Variants in CTNND2 observed in about 807,000 individuals in gnomAD.
The protein encoded by CTNND2 is catenin delta-2.
CTNND2 carries 22 observed loss-of-function variants against 144.4 expected under a neutral mutation model. The ratio of observed to expected loss-of-function variants is 0.15; its 90% confidence interval spans 0.11 to 0.22. CTNND2 has a LOEUF of 0.22. Among genes scored for constraint, CTNND2 ranks in the 10% least tolerant of loss-of-function variants. The pLI is 1.00. For synonymous variants in CTNND2, 751 were observed against 695.6 expected (o/e 1.08, Z -1.25); for missense variants, 1,353 against 1,618.8 (o/e 0.84, Z 2.82).
chr5:10,978,667 G>A (rs1736817668), intron 21 of CTNND2, among the ~76,000 whole-genome samples: 1 of 152,212 alleles, frequency 6.6e-6, no homozygotes, highest in Non-Finnish European at 1.5e-5. Context: ...CAATGCCTCG[G>A]TCCTGACGAG....
intron 2 of CTNND2, among the ~76,000 whole-genome samples, chr5:11,582,860 C>T (rs953333203): frequency 3.9e-5 from 6 of 152,118 alleles, no homozygotes; most frequent in African/African-American, 9.7e-5. Context: ...AATTAGAATG[C>T]GTCGGTGCTA....
At chr5:11,204,507 T>G (rs1165460726) in intron 10 of CTNND2, among the ~76,000 whole-genome samples, 1 of 152,174 alleles carries the variant, frequency 6.6e-6, no homozygotes, top group African/African-American at 2.4e-5. Flanking sequence ...AATGGATAGG[T>G]AATTAAATTA....
intron 16 of CTNND2, among the ~76,000 whole-genome samples, chr5:11,064,341 C>G (rs573187374): frequency 6.6e-6 from 1 of 152,250 alleles, no homozygotes; most frequent in South Asian, 2.1e-4. Context: ...AGACTAGCAT[C>G]TAGTCACCGC....
intron 1 of CTNND2, among the ~76,000 whole-genome samples, chr5:11,742,357 A>G (rs148103475): frequency 1.2e-3 from 179 of 152,274 alleles, no homozygotes; most frequent in African/African-American, 4.1e-3. Flanking sequence ...CTTCAGCAAC[A>G]GACTTCAACT....
At chr5:11,457,862 G>A (rs77591529) in intron 3 of CTNND2, among the ~76,000 whole-genome samples, 5,942 of 152,126 alleles carry the variant, frequency 0.039, 399 homozygotes, top group African/African-American at 0.14. Context: ...TCCTCTGATT[G>A]CAACCCCTTC....
chr5:11,738,212 G>A (rs1386111139), intron 1 of CTNND2, among the ~76,000 whole-genome samples: 1 of 152,154 alleles, frequency 6.6e-6, no homozygotes, highest in Non-Finnish European at 1.5e-5. Context: ...ACAAAGGGAT[G>A]TACCCCATTG....
intron 13 of CTNND2, among the ~76,000 whole-genome samples, chr5:11,114,386 G>A (rs924801553): frequency 2.0e-5 from 3 of 152,104 alleles, no homozygotes; most frequent in Non-Finnish European, 2.9e-5. Context: ...GGCGGATGGG[G>A]AGGGAGGAAT....
At chr5:11,847,149 TA>T (rs1794781251) in intron 1 of CTNND2, among the ~76,000 whole-genome samples, 1 of 127,600 alleles carries the variant, frequency 7.8e-6, no homozygotes, top group East Asian at 2.2e-4. Context: ...TATATATATA[TA>T]TATATATATA....
At chr5:11,583,803 C>T (rs1778621218) in intron 2 of CTNND2, among the ~76,000 whole-genome samples, 1 of 152,200 alleles carries the variant, frequency 6.6e-6, no homozygotes, top group African/African-American at 2.4e-5. Context: ...ATATGCATGA[C>T]ATCTGGTCAA....
chr5:11,050,413 G>A (rs1263020195), intron 16 of CTNND2, among the ~76,000 whole-genome samples: 1 of 152,166 alleles, frequency 6.6e-6, no homozygotes, highest in Non-Finnish European at 1.5e-5. Flanking sequence ...GCTTATAGAT[G>A]TAGTACCAGA....
chr5:11,434,838 A>C (rs1763617383), intron 3 of CTNND2, among the ~76,000 whole-genome samples: 1 of 152,172 alleles, frequency 6.6e-6, no homozygotes, highest in Admixed American at 6.5e-5. Flanking sequence ...AGGCTCAAAC[A>C]TGTTGTGTAG....
chr5:11,477,462 AG>A (rs1767862704), intron 3 of CTNND2, among the ~76,000 whole-genome samples: 1 of 151,908 alleles, frequency 6.6e-6, no homozygotes, highest in African/African-American at 2.4e-5. Context: ...CCCAGGTTGA[AG>A]TAGAGTGGCT....
chr5:11,148,872 C>T (rs1160786787), intron 12 of CTNND2, among the ~76,000 whole-genome samples: 5 of 152,314 alleles, frequency 3.3e-5, no homozygotes, highest in Admixed American at 2.0e-4. Flanking sequence ...AGCCTGTTAC[C>T]GCAGGAGCTG....
intron 3 of CTNND2, among the ~76,000 whole-genome samples, chr5:11,502,468 G>T (rs1487623125): frequency 1.3e-5 from 2 of 152,124 alleles, no homozygotes; most frequent in Non-Finnish European, 2.9e-5. Context: ...TCAGCACATG[G>T]TTGAGACCAT....
At chr5:11,156,292 A>T (rs1758217623) in intron 12 of CTNND2, among the ~76,000 whole-genome samples, 1 of 152,182 alleles carries the variant, frequency 6.6e-6, no homozygotes, top group Non-Finnish European at 1.5e-5. Context: ...TGAAAAGGTG[A>T]CCTCTTTAAA....
intron 9 of CTNND2, among the ~76,000 whole-genome samples, chr5:11,330,441 G>A (rs1377298938): frequency 1.7e-5 from 2 of 117,392 alleles, no homozygotes; most frequent in Non-Finnish European, 3.2e-5. Flanking sequence ...CCGAGATCAC[G>A]CCACTGCACT....
At position 11,783,971 on chromosome 5, in the gene CTNND2, C is replaced by A. The variant is rs114143992; in HGVS notation, c.38-51699G>T. Reference sequence around the variant, plus strand: ...AAGAGTCAGGGAGTAGACTTGTGAACCACCCTATAGAGCTGGTGACCCAGC... The same window carrying A: ...AAGAGTCAGGGAGTAGACTTGTGAAACACCCTATAGAGCTGGTGACCCAGC... On this transcript the variant is annotated intron_variant, in intron 1 of 21. Transcript: ENST00000304623. Among the ~76,000 whole-genome samples the A allele has an allele frequency of 9.9e-3, 1,504 of 152,266 alleles. 30 individuals carry two copies. The highest frequency in any genetic ancestry group is 0.034 in the African/African-American group (1,410 of 41,548).
chr5:11,476,071 A>T (rs902322042), intron 3 of CTNND2, among the ~76,000 whole-genome samples: 5 of 146,616 alleles, frequency 3.4e-5, no homozygotes, highest in African/African-American at 1.3e-4. Flanking sequence ...GGATTTCACC[A>T]TGTTGCCCAG....
rs1756821812 is a variant in CTNND2 at position 11,364,920 on chromosome 5, G to A, written c.1178-30C>T. On this transcript the variant is annotated intron_variant, in intron 7 of 21. Transcript: ENST00000304623. ...AATAAATCAACAGAGGGACATCAAAGCTCAGGCGACCTCCAAACAGAACTT... is the reference window on the plus strand; with the variant it reads ...AATAAATCAACAGAGGGACATCAAAACTCAGGCGACCTCCAAACAGAACTT... 1.9e-6 allele frequency: 3 copies of A among 1,576,844 alleles called. No individual in the cohort carries two copies. In the Admixed American group the frequency reaches 5.6e-5, roughly 30 times the overall value.
Sources: gnomAD v4.1 joint callset for allele counts (sites outside exome capture counted in the v4.1 genomes callset) on GRCh38, gnomAD v4.1.1 for gene constraint, MANE v1.5 for transcripts, NCBI Gene and HGNC (gene_info 2026-07-23, HGNC 2026-07-21) for gene names.